MAP2K2: variants seen among roughly 807,000 people sequenced by gnomAD.
MAP2K2 encodes the protein mitogen-activated protein kinase kinase 2, also known as dual specificity mitogen-activated protein kinase kinase 2.
Under a neutral mutation model 43.7 loss-of-function variants are expected in MAP2K2, and 24 were observed. The ratio of observed to expected loss-of-function variants is 0.55; its 90% CI spans 0.40 to 0.77. The LOEUF (loss-of-function observed/expected upper bound fraction) is 0.77, where lower values mean the gene tolerates loss of function less well. Among genes scored for constraint, MAP2K2 ranks in the 30% least tolerant of loss-of-function variants. The pLI is 0.00. For synonymous variants in MAP2K2, 244 were observed against 239.7 expected (o/e 1.02, Z -0.17); for missense variants, 470 against 566.8 (o/e 0.83, Z 1.73).
At chr19:4,099,174 A>G (rs2145049322) in intron 7 of MAP2K2, 27 bp downstream of exon 7, 1 of 1,578,792 alleles carries the variant, frequency 6.3e-7, no homozygotes, top group Non-Finnish European at 8.6e-7. Context: ...GCGCGTCCAG[A>G]CCGGAAGTTG....
At chr19:4,109,898 C>G (rs2041132920) in intron 3 of MAP2K2, among the ~76,000 whole-genome samples, 1 of 152,206 alleles carries the variant, frequency 6.6e-6, no homozygotes, top group South Asian at 2.1e-4. Flanking sequence ...AGACTGGAAA[C>G]AACCTACGTA....
rs532266535 is a variant in MAP2K2 at position 4,099,219 on chromosome 19, G to A, written c.901C>T (p.Pro301Ser). Reference sequence around the variant, plus strand: ...GCCGTACCGCTGACGGGGCGCCCGGGGGGCCTCGGCCGAGGCGAGATGCTG... The same window carrying A: ...GCCGTACCGCTGACGGGGCGCCCGGAGGGCCTCGGCCGAGGCGAGATGCTG... ...PHSISPRPRP[P>S]GRPVSGHGMD... Residue 301 changes from proline to serine, a missense_variant, in exon 7 of 11, where the codon CCC becomes TCC. Physicochemically the swap from Pro to Ser is moderately conservative, Grantham distance 74. This residue lies in a region of MAP2K2 where 212 missense variants were observed against 220.8 expected (regional missense o/e 0.96). Transcript: ENST00000262948. 1.2e-6 allele frequency: 2 copies of A among 1,603,840 alleles called. No homozygotes were observed. The highest frequency in any genetic ancestry group is 1.7e-6 in the Non-Finnish European group (2 of 1,176,008).
chr19:4,090,834 T>TCC, intron 10 of MAP2K2, 126 bp from the exon 11 acceptor site: 1 of 727,666 alleles, frequency 1.4e-6, no homozygotes, highest in East Asian at 2.7e-5. Context: ...GACCCTCCCT[T>TCC]CCCCACAGGA....
intron 1 of MAP2K2, among the ~76,000 whole-genome samples, chr19:4,118,237 C>T (rs190615358): frequency 5.6e-4 from 85 of 152,254 alleles, no homozygotes; most frequent in South Asian, 1.2e-3. Flanking sequence ...TGCACGCGGC[C>T]GGGAGACCTC....
chr19:4,122,805 C>A (rs1307630484), intron 1 of MAP2K2, among the ~76,000 whole-genome samples: 2 of 151,732 alleles, frequency 1.3e-5, no homozygotes, highest in Non-Finnish European at 2.9e-5. Context: ...CACCATTCTG[C>A]TACTCAGTGA....
rs774258077 is a variant in MAP2K2 at position 4,094,504 on chromosome 19, G to C, written c.1047-6C>G. 6.4e-7 allele frequency: 1 copy of C among 1,568,126 alleles called. No homozygotes were observed. Among genetic ancestry groups the C allele is most frequent in the Non-Finnish European group, 8.7e-7 (1 of 1,155,782 alleles). The stretch of plus-strand genomic sequence containing the variant: ...CCGCTGGGTTCTTGATGAGGCTGGG[G>C]GTTCCAAGAGGCAGGACCGGGAGGC... On this transcript the variant is annotated splice_polypyrimidine_tract_variant and splice_region_variant and intron_variant, in intron 9 of 10. Coordinates refer to ENST00000262948, the MANE Select transcript of MAP2K2 (RefSeq NM_030662.4).
At chr19:4,122,548 C>T (rs908640022) in intron 1 of MAP2K2, among the ~76,000 whole-genome samples, 28 of 141,634 alleles carry the variant, frequency 2.0e-4, no homozygotes, top group Admixed American at 1.9e-3. Flanking sequence ...CCCACAGGCC[C>T]CCACCGACAC....
chr19:4,092,445 C>T (rs547956846), intron 10 of MAP2K2, among the ~76,000 whole-genome samples: 45 of 151,760 alleles, frequency 3.0e-4, no homozygotes, highest in Non-Finnish European at 5.7e-4. Flanking sequence ...AAAAATTAGC[C>T]GGGTGTGGTG....
intron 3 of MAP2K2, chr19:4,103,093 G>T: frequency 3.0e-6 from 3 of 1,015,206 alleles, no homozygotes; most frequent in Non-Finnish European, 2.4e-6. Flanking sequence ...AGGACCAGGG[G>T]CCAGGGGGTG....
At chr19:4,110,748 T>C (rs1410364651) in intron 2 of MAP2K2, 93 bp from the exon 3 acceptor site, 5 of 1,409,682 alleles carry the variant, frequency 3.5e-6, no homozygotes, top group African/African-American at 1.4e-5. Context: ...TTCCCAACAG[T>C]GGTCAAGACC....
chr19:4,099,712 T>C, intron 6 of MAP2K2: 1 of 462,118 alleles, frequency 2.2e-6, no homozygotes. Context: ...AGGGGCCTCC[T>C]CCTCCACAGC....
Position 4,110,673 on chromosome 19 carries a change from C to T in MAP2K2, c.304-18G>A, listed in dbSNP as rs766030589. ...TGGATCAGCTGCAAGGGGAGAGGGGCGAGACTGGCTTGGGGGGTGCCCGAA... is the reference window on the plus strand; with the variant it reads ...TGGATCAGCTGCAAGGGGAGAGGGGTGAGACTGGCTTGGGGGGTGCCCGAA... On this transcript the variant is annotated intron_variant, in intron 2 of 10. Coordinates refer to ENST00000262948, the MANE Select transcript of MAP2K2 (RefSeq NM_030662.4). 18 of 1,608,804 alleles carry T rather than the reference C, an allele frequency of 1.1e-5. No individual in the cohort carries two copies. In the African/African-American group the frequency reaches 1.9e-4, roughly 17 times the overall value.
intron 9 of MAP2K2, chr19:4,094,801 A>C: frequency 8.5e-6 from 4 of 472,604 alleles, no homozygotes; most frequent in Non-Finnish European, 1.2e-5. Context: ...CTGTCTAATA[A>C]AACCCCAGGC....
In MAP2K2 at chr19:4,115,077, C is replaced by T. The variant is rs2041203468; in HGVS notation, c.303+2342G>A. Among the ~76,000 whole-genome samples the T allele has an allele frequency of 6.6e-6, 1 of 152,172 alleles. No individual in the cohort carries two copies. Among genetic ancestry groups the T allele is most frequent in the Non-Finnish European group, 1.5e-5 (1 of 68,034 alleles). ...GAGTTTTCGGGCACTTTAAAGAAAA[C>T]CTAATTTTGAAAGAATTATAGAAGC... On this transcript the variant is annotated intron_variant, in intron 2 of 10. Coordinates refer to ENST00000262948, the MANE Select transcript of MAP2K2 (RefSeq NM_030662.4). The surrounding 1 kb of genome is among the most constrained non-coding windows in gnomAD (Gnocchi z 4.1).
chr19:4,122,730 C>G (rs991993760), intron 1 of MAP2K2, among the ~76,000 whole-genome samples: 1 of 151,194 alleles, frequency 6.6e-6, no homozygotes, highest in Non-Finnish European at 1.5e-5. Flanking sequence ...ACTCAGGGAC[C>G]CCACCATCTC....
At chr19:4,117,868 C>G (rs1386100597) in intron 1 of MAP2K2, among the ~76,000 whole-genome samples, 3 of 152,218 alleles carry the variant, frequency 2.0e-5, no homozygotes, top group African/African-American at 4.8e-5. Context: ...CTCAACAAGT[C>G]TAGCAGACCT....
At chr19:4,116,801 G>C (rs971570029) in intron 2 of MAP2K2, among the ~76,000 whole-genome samples, 1 of 151,822 alleles carries the variant, frequency 6.6e-6, no homozygotes, top group African/African-American at 2.4e-5. Context: ...CTGGTGGTGT[G>C]TGCCTGTAAT....
At chr19:4,108,696 A>T (rs1304435353) in intron 3 of MAP2K2, among the ~76,000 whole-genome samples, 1 of 151,976 alleles carries the variant, frequency 6.6e-6, no homozygotes, top group Non-Finnish European at 1.5e-5. Flanking sequence ...CCAAGAATAG[A>T]GGTTGGGGGC....
At chr19:4,118,483 A>G (rs350889) in intron 1 of MAP2K2, among the ~76,000 whole-genome samples, 118,355 of 152,142 alleles carry the variant, frequency 0.78, 46,153 homozygotes, top group East Asian at 0.93. Context: ...GGAGGCTGAG[A>G]CACGAGAACT....
Sources: gnomAD v4.1 joint callset for allele counts (sites outside exome capture counted in the v4.1 genomes callset) on GRCh38, gnomAD v4.1.1 for gene constraint, gnomAD v4.1.1 regional missense constraint, Gnocchi (gnomAD v3.1) non-coding constraint, MANE v1.5 for transcripts, NCBI Gene and HGNC (gene_info 2026-07-23, HGNC 2026-07-21) for gene names.